Variants in ARSD observed in about 807,000 individuals in gnomAD.
The protein encoded by ARSD is arylsulfatase D.
In ARSD, 21 loss-of-function variants were observed where a neutral mutation model predicts 32.6. The observed-to-expected ratio is 0.64, with a 90% confidence interval of 0.46 to 0.93. The LOEUF (loss-of-function observed/expected upper bound fraction) is 0.93. Among genes scored for constraint, ARSD ranks in the 40% least tolerant of loss-of-function variants. The pLI is 0.00. For synonymous variants in ARSD, 224 were observed against 237.4 expected (o/e 0.94, Z 0.52); for missense variants, 454 against 520.9 (o/e 0.87, Z 1.25).
At chrX:2,928,827 GA>G (rs1206572255) in intron 1 of ARSD, among the ~76,000 whole-genome samples, 1 of 111,820 alleles carries the variant, frequency 8.9e-6, no homozygotes, top group Non-Finnish European at 1.9e-5. Context: ...TTTGAAGGCC[GA>G]ATCCGGGCAG....
Position 2,905,650 on chromosome X carries a change from T to C in ARSD, c.*1621A>G, listed in dbSNP as rs371731641. On this transcript the variant is annotated 3_prime_UTR_variant, in exon 10 of 10. Transcript: ENST00000381154. Reference sequence around the variant, plus strand: ...GCCTCTGAGGATCATTTTCCAATTATAGGCAATGGTAGTACGTGTTTCAGT... The same window carrying C: ...GCCTCTGAGGATCATTTTCCAATTACAGGCAATGGTAGTACGTGTTTCAGT... 1 of 112,892 alleles carries C rather than the reference T, an allele frequency of 8.9e-6. No homozygotes were observed. The highest frequency in any genetic ancestry group is 3.2e-5 in the African/African-American group (1 of 31,031). The allele number at this position is 112,892 out of a possible 1,213,427, so 9.3% of individuals were successfully genotyped here. A position where few individuals can be genotyped will look rare whatever the true frequency, so the allele number is the denominator to read the frequency against.
At chrX:2,927,915 A>G (rs1239312905) in intron 1 of ARSD, among the ~76,000 whole-genome samples, 1 of 111,775 alleles carries the variant, frequency 8.9e-6, no homozygotes, top group Non-Finnish European at 1.9e-5. Flanking sequence ...TCTAGGGGGT[A>G]TTTGGACCCA....
intron 5 of ARSD, among the ~76,000 whole-genome samples, chrX:2,916,457 C>T (rs1471382463): frequency 9.0e-6 from 1 of 111,365 alleles, no homozygotes; most frequent in Non-Finnish European, 1.9e-5. Context: ...ATGATCACAC[C>T]ACTGCTCTCC....
intron 1 of ARSD, among the ~76,000 whole-genome samples, chrX:2,927,718 G>C (rs912386980): frequency 3.6e-5 from 4 of 112,180 alleles, no homozygotes; most frequent in Admixed American, 2.8e-4. Flanking sequence ...TCTAGTCTTC[G>C]TGTGCAACTT....
intron 5 of ARSD, among the ~76,000 whole-genome samples, chrX:2,916,405 C>T (rs894920867): frequency 9.2e-6 from 1 of 108,718 alleles, no homozygotes; most frequent in African/African-American, 3.4e-5. Flanking sequence ...GGCTGAGGCA[C>T]GAGAATTGCC....
intron 5 of ARSD, 43 bp from the exon 6 acceptor site, chrX:2,915,735 T>C: frequency 8.6e-7 from 1 of 1,163,487 alleles, no homozygotes; most frequent in Non-Finnish European, 1.2e-6. Context: ...GAATATACAG[T>C]ACACCAAAGG....
chrX:2,916,817 G>A (rs76652935), intron 5 of ARSD, among the ~76,000 whole-genome samples: 22 of 111,502 alleles, frequency 2.0e-4, no homozygotes, highest in Non-Finnish European at 3.8e-4. Flanking sequence ...AGCAGAGTAG[G>A]GTGACCAAAG....
intron 5 of ARSD, among the ~76,000 whole-genome samples, chrX:2,916,003 G>C (rs184078778): frequency 2.3e-4 from 25 of 108,630 alleles, no homozygotes; most frequent in African/African-American, 8.0e-4. Context: ...GTGGTGGCTT[G>C]AGTCTGTGGT....
At chrX:2,927,542 C>T (rs188805839) in intron 1 of ARSD, among the ~76,000 whole-genome samples, 2 of 112,131 alleles carry the variant, frequency 1.8e-5, no homozygotes, top group African/African-American at 6.5e-5. Flanking sequence ...ATCCACCCGT[C>T]TCGGCCTCCC....
Position 2,907,438 on chromosome X carries a change from C to A in ARSD, c.1615G>T (p.Ala539Ser), listed in dbSNP as rs200785812. 8.3e-7 allele frequency: 1 copy of A among 1,210,116 alleles called. No individual in the cohort carries two copies. Among genetic ancestry groups the A allele is most frequent in the African/African-American group, 1.7e-5 (1 of 57,437 alleles). ...LTPDSEPLYH[A>S]VIARVGAAVS... ...GCGGCACCTACCCTTGCTATCACGG[C>A]GTGGTACAGGGGCTCGGAGTCGGGG... Residue 539 changes from alanine (A) to serine (S), a missense_variant, in exon 10 of 10, where the codon GCC becomes TCC. Transcript: ENST00000381154.
chrX:2,914,008 C>T (rs1245665055), intron 6 of ARSD: 13 of 477,075 alleles, frequency 2.7e-5, no homozygotes, highest in East Asian at 1.8e-4. Flanking sequence ...AAAAGCTCCC[C>T]GAGGTCTCCC....
In ARSD at chrX:2,907,196, G is replaced by T; in HGVS notation, c.*75C>A. On this transcript the variant is annotated 3_prime_UTR_variant, in exon 10 of 10. Coordinates refer to ENST00000381154, the MANE Select transcript of ARSD (RefSeq NM_001669.4). ...GTTCCTTGCAAAAAGGGAAGCTGAA[G>T]ATAGAACCAAGCTTGGAGAATTTTG... 1 of 1,030,796 alleles carries T rather than the reference G, an allele frequency of 9.7e-7. No individual in the cohort carries two copies. Among genetic ancestry groups the T allele is most frequent in the Non-Finnish European group, 1.3e-6 (1 of 753,635 alleles). 84.9% of individuals were successfully genotyped at this position (1,030,796 alleles called of 1,213,427 possible).
In ARSD at chrX:2,907,578, G is replaced by A. The variant is rs778860683; in HGVS notation, c.1475C>T (p.Ala492Val). The A allele has an allele frequency of 3.5e-6, 4 of 1,134,198 alleles. No individual in the cohort carries two copies. Among genetic ancestry groups the A allele is most frequent in the Admixed American group, 2.9e-5 (1 of 34,437 alleles). The allele number at this position is 1,134,198 out of a possible 1,213,427, so 93.5% of individuals were successfully genotyped here. ...YTTPQFHPEG[A>V]GACYGRGVCP... ...GACGCCTCGGCCGTAGCAGGCCCCC[G>A]CTCCCTCGGGGTGGAACTGCGGGGT... is the stretch of plus-strand genomic sequence containing the variant. Residue 492 changes from alanine (A) to valine (V), a missense_variant, in exon 10 of 10, where the codon GCG becomes GTG. Transcript: ENST00000381154.
chrX:2,914,352 C>T, intron 6 of ARSD: 3 of 505,530 alleles, frequency 5.9e-6, no homozygotes, highest in Non-Finnish European at 7.5e-6. Context: ...CCCACCTCAG[C>T]CTCTGGAGTA....
chrX:2,915,257 C>T (rs5982918), intron 6 of ARSD, among the ~76,000 whole-genome samples: 11,036 of 110,906 alleles, frequency 0.1, 615 homozygotes, highest in East Asian at 0.49. Context: ...CGTGTTAAAG[C>T]GATTCTTGTA....
chrX:2,914,535 C>T, intron 6 of ARSD: 1 of 958,258 alleles, frequency 1.0e-6, no homozygotes. Flanking sequence ...CCACCTTGCC[C>T]CACCTGAAAA....
Position 2,908,486 on chromosome X carries a change from A to G in ARSD, c.1420+235T>C, listed in dbSNP as rs1298781898. On this transcript the variant is annotated intron_variant, in intron 9 of 9. Transcript: ENST00000381154. Reference sequence around the variant, plus strand: ...CATCATCCATCTCATCTATCTATCTATCCATCATCTATCCATTATGTCTCT... The same window carrying G: ...CATCATCCATCTCATCTATCTATCTGTCCATCATCTATCCATTATGTCTCT... Among the ~76,000 whole-genome samples the G allele has an allele frequency of 1.5e-4, 15 of 100,790 alleles. No homozygotes were observed. The Admixed American group carries it at 1.6e-3, about 11-fold the overall frequency. The allele number at this position is 100,790 out of a possible 115,157, so 87.5% of individuals were successfully genotyped here. A position where few individuals can be genotyped will look rare whatever the true frequency, so the allele number is the denominator to read the frequency against.
chrX:2,920,509 T>C, intron 4 of ARSD, 92 bp downstream of exon 4: 1 of 1,163,127 alleles, frequency 8.6e-7, no homozygotes, highest in Middle Eastern at 2.4e-4. Flanking sequence ...TAGCTGGGAC[T>C]ACAGGCGTGC....
intron 6 of ARSD, chrX:2,913,536 G>A (rs1055135931): frequency 1.0e-6 from 1 of 977,819 alleles, no homozygotes; most frequent in Admixed American, 3.1e-5. Context: ...CACTATGCTT[G>A]TCTCGGGAGA....
Sources: allele counts gnomAD v4.1 joint callset (sites outside exome capture counted in the v4.1 genomes callset), GRCh38; gene constraint gnomAD v4.1.1; transcripts MANE v1.5; gene names NCBI Gene and HGNC (gene_info 2026-07-23, HGNC 2026-07-21).